The following ZNF704 variants were observed in gnomAD, a reference collection of about 807,000 sequenced individuals.
ZNF704 encodes the protein glucocorticoid induced gene 1.
Under a neutral mutation model 44.7 loss-of-function variants are expected in ZNF704, and 10 were observed. That is an observed-to-expected ratio of 0.22 (90% CI 0.14 to 0.38). The LOEUF (loss-of-function observed/expected upper bound fraction) is 0.38. ZNF704 is among the 10% of genes least tolerant of loss of function. The probability of loss-of-function intolerance (pLI) is 1.00; values close to 1 mark genes in which losing one functional copy is unlikely to be tolerated. For synonymous variants in ZNF704, 211 were observed against 207.6 expected (o/e 1.02, Z -0.14); for missense variants, 390 against 545.5 (o/e 0.71, Z 2.84).
chr8:80,742,074 A>G (rs1209710015), intron 2 of ZNF704, among the ~76,000 whole-genome samples: 1 of 152,220 alleles, frequency 6.6e-6, no homozygotes, highest in Non-Finnish European at 1.5e-5. Flanking sequence ...TCAGGAAGCC[A>G]TTAGGAGATT....
rs1817734743 is a variant in ZNF704 at position 80,641,090 on chromosome 8, C to CTTA, written c.*275_*276insTAA. ...AGAAGTCCACAGTTTTAAGTCTAGA[C>CTTA]ATACAGCAAAAAAAGTTGACTTTTC... On this transcript the variant is annotated 3_prime_UTR_variant, in exon 9 of 9. Coordinates refer to ENST00000327835, the MANE Select transcript of ZNF704 (RefSeq NM_001033723.3). 3 of 241,630 alleles carry CTTA rather than the reference C, an allele frequency of 1.2e-5. No individual in the cohort carries two copies. Among genetic ancestry groups the CTTA allele is most frequent in the Non-Finnish European group, 2.4e-5 (3 of 126,014 alleles). The allele number at this position is 241,630 out of a possible 1,614,324, so 15.0% of individuals were successfully genotyped here. A position where few individuals can be genotyped will look rare whatever the true frequency, so the allele number is the denominator to read the frequency against.
In ZNF704 at chr8:80,629,430, A is replaced by G. The variant is rs1375204992; in HGVS notation, c.*11936T>C. 1.3e-5 allele frequency: 2 copies of G among 152,244 alleles called. No individual in the cohort carries two copies. The highest frequency in any genetic ancestry group is 4.8e-5 in the African/African-American group (2 of 41,458). The allele number at this position is 152,244 out of a possible 1,614,324, so 9.4% of individuals were successfully genotyped here. ...GTGTTTTTTTCCCCCCGTATTTTAC[A>G]AACAGTTGAGAAACTTTCTCAATGG... On this transcript the variant is annotated 3_prime_UTR_variant, in exon 9 of 9. Transcript: ENST00000327835.
chr8:80,630,210 T>C lies in ZNF704; in HGVS notation c.*11156A>G, dbSNP rs1817561443. 6.6e-6 allele frequency: 1 copy of C among 152,238 alleles called. No individual in the cohort carries two copies. The highest frequency in any genetic ancestry group is 1.5e-5 in the Non-Finnish European group (1 of 68,044). The allele number at this position is 152,238 out of a possible 1,614,324, so 9.4% of individuals were successfully genotyped here. A position where few individuals can be genotyped will look rare whatever the true frequency, so the allele number is the denominator to read the frequency against. On this transcript the variant is annotated 3_prime_UTR_variant, in exon 9 of 9. Coordinates refer to ENST00000327835, the MANE Select transcript of ZNF704 (RefSeq NM_001033723.3). ...TTTATAATTTTATACATTCATTCAC[T>C]AACATTAAAGACTTCTGTTAAGCAA...
intron 2 of ZNF704, among the ~76,000 whole-genome samples, chr8:80,818,425 A>C (rs1808212235): frequency 6.6e-6 from 1 of 152,172 alleles, no homozygotes; most frequent in Non-Finnish European, 1.5e-5. Flanking sequence ...CTATAGACAC[A>C]AAATCAGCAG....
chr8:80,632,382 T>G lies in ZNF704; in HGVS notation c.*8984A>C, dbSNP rs1470753704. 6.6e-6 allele frequency: 1 copy of G among 152,198 alleles called. No homozygotes were observed. Among genetic ancestry groups the G allele is most frequent in the Non-Finnish European group, 1.5e-5 (1 of 68,054 alleles). The allele number at this position is 152,198 out of a possible 1,614,324, so 9.4% of individuals were successfully genotyped here. Reference sequence around the variant, plus strand: ...CCTCTTTCTTCTTTTGTTTTCACTCTTTCTTCCTCTGTTGGCCAGGCTGGT... The same window carrying G: ...CCTCTTTCTTCTTTTGTTTTCACTCGTTCTTCCTCTGTTGGCCAGGCTGGT... On this transcript the variant is annotated 3_prime_UTR_variant, in exon 9 of 9. Transcript: ENST00000327835.
intron 2 of ZNF704, among the ~76,000 whole-genome samples, chr8:80,796,985 G>A (rs982763934): frequency 4.4e-5 from 5 of 113,092 alleles, no homozygotes; most frequent in African/African-American, 1.9e-4. Flanking sequence ...GGGAGGGAGG[G>A]AGGGAGGAAG....
chr8:80,787,771 C>T (rs1027313353), intron 2 of ZNF704, among the ~76,000 whole-genome samples: 2 of 152,126 alleles, frequency 1.3e-5, no homozygotes, highest in South Asian at 2.1e-4. Flanking sequence ...TATCAGTTCA[C>T]ATTGCACCTT....
chr8:80,781,385 A>G (rs1807519741), intron 2 of ZNF704, among the ~76,000 whole-genome samples: 1 of 152,260 alleles, frequency 6.6e-6, no homozygotes, highest in African/African-American at 2.4e-5. Flanking sequence ...TAAACAAATA[A>G]GCATGACTGT....
chr8:80,716,172 C>T (rs1819069614), intron 2 of ZNF704, among the ~76,000 whole-genome samples: 1 of 152,160 alleles, frequency 6.6e-6, no homozygotes, highest in Admixed American at 6.5e-5. Context: ...TGGAGGGGCT[C>T]CCTTAACATT....
intron 1 of ZNF704, among the ~76,000 whole-genome samples, chr8:80,827,549 T>C (rs1808399378): frequency 6.6e-6 from 1 of 152,162 alleles, no homozygotes; most frequent in Admixed American, 6.5e-5. Flanking sequence ...AAGACTTTCT[T>C]CACAGAATTG....
chr8:80,846,792 A>G (rs927151035), intron 1 of ZNF704, among the ~76,000 whole-genome samples: 2 of 152,228 alleles, frequency 1.3e-5, no homozygotes, highest in Non-Finnish European at 2.9e-5. Context: ...TACCCAGCTC[A>G]GCAAGATTGC....
intron 7 of ZNF704, among the ~76,000 whole-genome samples, chr8:80,657,448 T>G (rs1179240599): frequency 6.6e-6 from 1 of 152,106 alleles, no homozygotes; most frequent in East Asian, 1.9e-4. Context: ...ATCCCAGCAC[T>G]TTGGGAGGCT....
At chr8:80,677,459 G>A (rs1818387118) in intron 4 of ZNF704, among the ~76,000 whole-genome samples, 1 of 152,158 alleles carries the variant, frequency 6.6e-6, no homozygotes, top group South Asian at 2.1e-4. Flanking sequence ...CAAACCCCCA[G>A]AATCCAAGGA....
rs1273140821 is a variant in ZNF704, at chr8:80,679,192, C to T, written c.558+8034G>A. Among the ~76,000 whole-genome samples the T allele has an allele frequency of 2.6e-5, 4 of 152,266 alleles. No homozygotes were observed. In the East Asian group the frequency reaches 5.8e-4, roughly 22 times the overall value. On this transcript the variant is annotated intron_variant, in intron 4 of 8. Transcript: ENST00000327835. ...CCCTACTGATTTCCCCTAACCCTGTCTACACCTTTGTAAAGTGATTTGTCT... is the reference window on the plus strand; with the variant it reads ...CCCTACTGATTTCCCCTAACCCTGTTTACACCTTTGTAAAGTGATTTGTCT...
intron 2 of ZNF704, among the ~76,000 whole-genome samples, chr8:80,813,442 A>G (rs1808122626): frequency 1.3e-5 from 2 of 152,232 alleles, no homozygotes; most frequent in South Asian, 4.1e-4. Context: ...TACACAAAAA[A>G]TTATGAATTT....
At chr8:80,729,886 A>G (rs1484909479) in intron 2 of ZNF704, among the ~76,000 whole-genome samples, 2 of 151,840 alleles carry the variant, frequency 1.3e-5, no homozygotes, top group Non-Finnish European at 2.9e-5. Flanking sequence ...TACTGCCGGA[A>G]CCCCCCTGAG....
At chr8:80,736,408 T>A (rs1020079383) in intron 2 of ZNF704, among the ~76,000 whole-genome samples, 9 of 152,162 alleles carry the variant, frequency 5.9e-5, no homozygotes, top group African/African-American at 1.9e-4. Flanking sequence ...GCCTCCCGAG[T>A]AGCTGGGATT....
chr8:80,766,275 T>C (rs1192957282), intron 2 of ZNF704, among the ~76,000 whole-genome samples: 1 of 152,140 alleles, frequency 6.6e-6, no homozygotes, highest in Non-Finnish European at 1.5e-5. Flanking sequence ...TGAAAATTCC[T>C]TGAGTTCCAA....
rs144825234 is a variant in ZNF704 at position 80,858,386 on chromosome 8, C to G, written c.-22+16185G>C. On this transcript the variant is annotated intron_variant, in intron 1 of 8. Transcript: ENST00000327835. ...GCATTTTCCTTTTCAATCAGTTAAA[C>G]TATTTTACTAATCACTTGTGACTTC... 6.5e-3 allele frequency among the ~76,000 whole-genome samples: 991 copies of G among 152,314 alleles called. 9 individuals are homozygous for G. Among genetic ancestry groups the G allele is most frequent in the African/African-American group, 0.022 (928 of 41,566 alleles).
Sources: gnomAD v4.1 joint callset for allele counts (sites outside exome capture counted in the v4.1 genomes callset) on GRCh38, gnomAD v4.1.1 for gene constraint, MANE v1.5 for transcripts, NCBI Gene and HGNC (gene_info 2026-07-23, HGNC 2026-07-21) for gene names.